The following RBMS3 variants were observed in gnomAD, a reference collection of about 807,000 sequenced individuals.
RBMS3 encodes RNA-binding motif, single-stranded-interacting protein 3.
Under a neutral mutation model 66.8 loss-of-function variants are expected in RBMS3, and 27 were observed. The observed-to-expected ratio is 0.40, with a 90% CI of 0.30 to 0.56. The LOEUF is 0.56. Among genes scored for constraint, RBMS3 ranks in the 20% least tolerant of loss-of-function variants. The probability of loss-of-function intolerance (pLI) is 0.40; values close to 1 mark genes in which losing one functional copy is unlikely to be tolerated. For missense variants in RBMS3, 513 were observed against 549.5 expected, an observed-to-expected ratio of 0.93 and a Z score of 0.66; for synonymous variants, 188 against 183.0, an observed-to-expected ratio of 1.03 and a Z score of -0.22.
intron 4 of RBMS3, among the ~76,000 whole-genome samples, chr3:29,605,260 A>G (rs925473707): frequency 2.0e-5 from 3 of 151,862 alleles, no homozygotes; most frequent in Non-Finnish European, 2.9e-5. Flanking sequence ...ACGATTGTTT[A>G]GGTATTATAG....
At chr3:29,857,411 G>T in intron 6 of RBMS3, among the ~76,000 whole-genome samples, 1 of 128,368 alleles carries the variant, frequency 7.8e-6, no homozygotes, top group African/African-American at 3.0e-5. Context: ...TTTTTTCCTA[G>T]GGTGGTTAAC....
intron 3 of RBMS3, among the ~76,000 whole-genome samples, chr3:29,539,428 C>A (rs1390927160): frequency 6.6e-6 from 1 of 152,148 alleles, no homozygotes; most frequent in Non-Finnish European, 1.5e-5. Context: ...GTAGCCTCAG[C>A]GTCTTGTGCA....
At chr3:29,433,556 T>C (rs1011798282) in intron 1 of RBMS3, among the ~76,000 whole-genome samples, 2 of 152,144 alleles carry the variant, frequency 1.3e-5, no homozygotes, top group African/African-American at 4.8e-5. Context: ...TTTGAAAAAA[T>C]CTTCTAACTT....
At chr3:29,497,024 T>A (rs2043777669) in intron 3 of RBMS3, among the ~76,000 whole-genome samples, 1 of 152,072 alleles carries the variant, frequency 6.6e-6, no homozygotes, top group African/African-American at 2.4e-5. Context: ...AAAACTTTTT[T>A]TTTTTTCTTG....
intron 5 of RBMS3, among the ~76,000 whole-genome samples, chr3:29,755,226 AT>A (rs1457798717): frequency 2.6e-5 from 4 of 152,230 alleles, no homozygotes; most frequent in South Asian, 2.1e-4. Flanking sequence ...GGCTAAAAAA[AT>A]ATACTTAGAT....
intron 1 of RBMS3, among the ~76,000 whole-genome samples, chr3:29,370,803 G>T (rs2038158607): frequency 6.6e-6 from 1 of 152,142 alleles, no homozygotes; most frequent in Non-Finnish European, 1.5e-5. Context: ...TTGTTCAATG[G>T]CATTTAAAAG....
At chr3:29,946,856 T>G (rs1695349194) in intron 12 of RBMS3, among the ~76,000 whole-genome samples, 1 of 151,622 alleles carries the variant, frequency 6.6e-6, no homozygotes, top group Non-Finnish European at 1.5e-5. Flanking sequence ...TTTGTGTGAT[T>G]AATCTGTGAG....
At chr3:29,559,085 A>C (rs1019165641) in intron 3 of RBMS3, among the ~76,000 whole-genome samples, 2 of 152,166 alleles carry the variant, frequency 1.3e-5, no homozygotes, top group African/African-American at 4.8e-5. Context: ...AAAGGAAGAG[A>C]TAGCTATCCA....
intron 5 of RBMS3, among the ~76,000 whole-genome samples, chr3:29,740,110 T>C (rs2054570529): frequency 6.6e-6 from 1 of 152,126 alleles, no homozygotes; most frequent in African/African-American, 2.4e-5. Context: ...TTTATGTGTC[T>C]TGAGTCATAA....
At position 29,975,113 on chromosome 3, in the gene RBMS3, A is replaced by G. The variant is rs1327622407; in HGVS notation, c.1099-13030A>G. Among the ~76,000 whole-genome samples, 2 of 144,360 alleles carry G rather than the reference A, an allele frequency of 1.4e-5. 1 individual carries two copies. The highest frequency in any genetic ancestry group is 3.0e-5 in the Non-Finnish European group (2 of 66,600). 94.7% of individuals were successfully genotyped at this position (144,360 alleles called of 152,430 possible). A position where few individuals can be genotyped will look rare whatever the true frequency, so the allele number is the denominator to read the frequency against. On this transcript the variant is annotated intron_variant, in intron 12 of 14. Coordinates refer to ENST00000383767, the MANE Select transcript of RBMS3 (RefSeq NM_001003793.3). Reference sequence around the variant, plus strand: ...ACATTTCTATATTTATATATTTTATATATAAAATACGTTTATATATTTATA... The same window carrying G: ...ACATTTCTATATTTATATATTTTATGTATAAAATACGTTTATATATTTATA...
chr3:29,345,005 G>T (rs2036492814), intron 1 of RBMS3, among the ~76,000 whole-genome samples: 1 of 152,112 alleles, frequency 6.6e-6, no homozygotes, highest in Non-Finnish European at 1.5e-5. Context: ...ATCAGTTGTT[G>T]AATTTCAGTC....
At chr3:29,429,400 T>A (rs2041093740) in intron 1 of RBMS3, among the ~76,000 whole-genome samples, 1 of 152,200 alleles carries the variant, frequency 6.6e-6, no homozygotes, top group East Asian at 1.9e-4. Context: ...ATCCCTAATG[T>A]GTGGCTGAAG....
At chr3:29,324,712 C>T (rs533753085) in intron 1 of RBMS3, among the ~76,000 whole-genome samples, 3 of 151,762 alleles carry the variant, frequency 2.0e-5, no homozygotes, top group Non-Finnish European at 4.4e-5. Flanking sequence ...TCCTAATATC[C>T]TAAAGAAGAC....
At chr3:29,571,504 T>C (rs1482946672) in intron 3 of RBMS3, among the ~76,000 whole-genome samples, 1 of 152,198 alleles carries the variant, frequency 6.6e-6, no homozygotes, top group East Asian at 1.9e-4. Context: ...ATATCTAGTT[T>C]TCCCAGTACC....
rs149868051 is a variant in RBMS3 at position 29,936,101 on chromosome 3, C to T, written c.955C>T (p.Pro319Ser). The T allele has an allele frequency of 1.2e-6, 2 of 1,613,024 alleles. No homozygotes were observed. The highest frequency in any genetic ancestry group is 1.7e-6 in the Non-Finnish European group (2 of 1,179,380). ...ATGCTTGTAGGGTGCTGTGATTACA[C>T]CAACCATGGACCATCCCATGTCAAT... ...VMQPTGAVIT[P>S]TMDHPMSMQP... Residue 319 changes from proline to serine, a missense_variant, in exon 11 of 15, where the codon CCA becomes TCA. Pro to Ser is a moderately conservative substitution (Grantham distance 74). Coordinates refer to ENST00000383767, the MANE Select transcript of RBMS3 (RefSeq NM_001003793.3).
At chr3:29,820,401 AT>A (rs2058048033) in intron 6 of RBMS3, among the ~76,000 whole-genome samples, 1 of 151,846 alleles carries the variant, frequency 6.6e-6, no homozygotes, top group Non-Finnish European at 1.5e-5. Flanking sequence ...TGATCTATTA[AT>A]TAGATCAAAT....
At chr3:29,615,896 A>G (rs927008624) in intron 4 of RBMS3, 1 of 152,214 alleles carries the variant, frequency 6.6e-6, no homozygotes, top group Non-Finnish European at 1.5e-5. Flanking sequence ...TAACATGATG[A>G]GAGGAAATAA....
intron 3 of RBMS3, among the ~76,000 whole-genome samples, chr3:29,502,857 C>T (rs2044029940): frequency 6.6e-6 from 1 of 152,070 alleles, no homozygotes; most frequent in African/African-American, 2.4e-5. Context: ...CTCTTACTCT[C>T]AGGACTCAGA....
intron 14 of RBMS3, among the ~76,000 whole-genome samples, chr3:30,001,200 A>T (rs930252762): frequency 1.2e-4 from 18 of 152,200 alleles, no homozygotes; most frequent in African/African-American, 4.3e-4. Flanking sequence ...ACCTGTGAGT[A>T]ATCCAGTAGA....
Sources: gnomAD v4.1 joint callset for allele counts (sites outside exome capture counted in the v4.1 genomes callset) on GRCh38, gnomAD v4.1.1 for gene constraint, MANE v1.5 for transcripts, NCBI Gene and HGNC (gene_info 2026-07-23, HGNC 2026-07-21) for gene names.